The following CNTNAP4 variants were observed in gnomAD, a reference collection of about 807,000 sequenced individuals.
CNTNAP4 encodes contactin associated protein family member 4.
A neutral mutation model predicts 148.4 loss-of-function variants in CNTNAP4; 98 were observed. That is an observed-to-expected ratio of 0.66 (90% CI 0.56 to 0.78). The LOEUF is 0.78. Ranked by LOEUF, CNTNAP4 falls within the 30% of genes least tolerant of loss-of-function variation. The probability of loss-of-function intolerance (pLI) is 0.00; values close to 1 mark genes in which losing one functional copy is unlikely to be tolerated. For synonymous variants in CNTNAP4, 730 were observed against 565.1 expected (o/e 1.29, Z -4.14); for missense variants, 1,935 against 1,565.6 (o/e 1.24, Z -3.98).
rs979952119 is a variant in CNTNAP4, at chr16:76,445,412, A to G, written c.539-2600A>G. On this transcript the variant is annotated intron_variant, in intron 4 of 23. Transcript: ENST00000611870. ...TGTTGAATTTTTTTTAAATCCCAGA[A>G]TCTGGCACACTGATTCAAACGTGAT... Among the ~76,000 whole-genome samples the G allele has an allele frequency of 2.0e-5, 3 of 152,280 alleles. No individual in the cohort carries two copies. In the East Asian group the frequency reaches 5.8e-4, roughly 29 times the overall value.
At chr16:76,436,137 A>G (rs1164168527) in intron 4 of CNTNAP4, among the ~76,000 whole-genome samples, 2 of 152,048 alleles carry the variant, frequency 1.3e-5, no homozygotes, top group East Asian at 3.9e-4. Context: ...TCTCCTGGCA[A>G]CTGCCTCAGG....
intron 2 of CNTNAP4, among the ~76,000 whole-genome samples, chr16:76,339,814 A>G (rs998858043): frequency 2.0e-5 from 3 of 152,222 alleles, no homozygotes; most frequent in East Asian, 1.9e-4. Flanking sequence ...GTTCCATTCA[A>G]ATATGTCCAT....
At chr16:76,357,458 G>A (rs974035246) in intron 3 of CNTNAP4, among the ~76,000 whole-genome samples, 32 of 152,168 alleles carry the variant, frequency 2.1e-4, no homozygotes, top group Non-Finnish European at 4.1e-4. Flanking sequence ...TGGCATGAAT[G>A]ATATCCTTAC....
rs565463620 is a variant in CNTNAP4, at chr16:76,357,011, A to C, written c.390+1500A>C. On this transcript the variant is annotated intron_variant, in intron 3 of 23. Coordinates refer to ENST00000611870, the MANE Select transcript of CNTNAP4 (RefSeq NM_033401.5). ...GAAAAGCTGTTTAAAATCCAAAGCA[A>C]GTTGAAGCTGTAAGAGGAAAAAAAA... Among the ~76,000 whole-genome samples, 393 of 151,876 alleles carry C rather than the reference A, an allele frequency of 2.6e-3. 1 individual carries two copies. Among genetic ancestry groups the C allele is most frequent in the African/African-American group, 9.3e-3 (385 of 41,362 alleles).
intron 8 of CNTNAP4, among the ~76,000 whole-genome samples, chr16:76,460,944 A>G (rs148709404): frequency 0.016 from 2,411 of 151,306 alleles, 29 homozygotes; most frequent in Middle Eastern, 0.031. Context: ...GTCTGTCACA[A>G]CATTTTCTCA....
rs987575508 is a variant in CNTNAP4, at chr16:76,407,840, A to G, written c.391-19612A>G. Among the ~76,000 whole-genome samples the G allele has an allele frequency of 3.3e-5, 5 of 152,084 alleles. No individual in the cohort carries two copies. In the East Asian group the frequency reaches 9.6e-4, roughly 29 times the overall value. On this transcript the variant is annotated intron_variant, in intron 3 of 23. Coordinates refer to ENST00000611870, the MANE Select transcript of CNTNAP4 (RefSeq NM_033401.5). ...TTGACTTTAATTTTCAAGTTTGGCT[A>G]TGGGTGAAATATCAAATGGCATCAC...
chr16:76,511,195 T>C (rs1405035533), intron 15 of CNTNAP4, among the ~76,000 whole-genome samples: 1 of 152,194 alleles, frequency 6.6e-6, no homozygotes, highest in Admixed American at 6.5e-5. Context: ...CATGTATTTC[T>C]TTTCAGGTAA....
At chr16:76,302,731 C>T (rs1184703516) in intron 1 of CNTNAP4, among the ~76,000 whole-genome samples, 6 of 152,128 alleles carry the variant, frequency 3.9e-5, no homozygotes, top group Non-Finnish European at 8.8e-5. Flanking sequence ...ACAAATTCTG[C>T]CTGCACTCGA....
chr16:76,369,258 T>C (rs545490592), intron 3 of CNTNAP4, among the ~76,000 whole-genome samples: 2 of 152,338 alleles, frequency 1.3e-5, no homozygotes, highest in South Asian at 4.1e-4. Flanking sequence ...TTTTAAGTTA[T>C]TCATTTCATA....
chr16:76,427,725 G>T, intron 4 of CNTNAP4, 126 bp downstream of exon 4: 1 of 891,054 alleles, frequency 1.1e-6, no homozygotes. Flanking sequence ...TAATTTTTGT[G>T]GAAAGCTTTT....
At chr16:76,412,337 C>T (rs2144925459) in intron 3 of CNTNAP4, among the ~76,000 whole-genome samples, 1 of 151,394 alleles carries the variant, frequency 6.6e-6, no homozygotes, top group East Asian at 1.9e-4. Flanking sequence ...AGCTGGAAAA[C>T]TGCCTGATTT....
intron 15 of CNTNAP4, among the ~76,000 whole-genome samples, chr16:76,501,277 T>C (rs1301826967): frequency 6.6e-6 from 1 of 152,230 alleles, no homozygotes; most frequent in Non-Finnish European, 1.5e-5. Context: ...CGATTTTTCA[T>C]GGCTGTAGAG....
At chr16:76,312,238 A>G (rs1036736750) in intron 1 of CNTNAP4, among the ~76,000 whole-genome samples, 6 of 152,182 alleles carry the variant, frequency 3.9e-5, no homozygotes, top group Non-Finnish European at 8.8e-5. Context: ...AACCCAGTAG[A>G]TGCCAGAAGT....
intron 3 of CNTNAP4, among the ~76,000 whole-genome samples, chr16:76,426,214 A>C (rs1317693335): frequency 6.6e-6 from 1 of 152,202 alleles, no homozygotes; most frequent in Non-Finnish European, 1.5e-5. Context: ...TCTTTTAAAA[A>C]TGTACTAGAA....
chr16:76,328,781 G>A (rs1963246759), intron 2 of CNTNAP4, among the ~76,000 whole-genome samples: 2 of 152,192 alleles, frequency 1.3e-5, no homozygotes, highest in African/African-American at 4.8e-5. Flanking sequence ...GAGTAGCTGG[G>A]ACTACAGGCG....
At chr16:76,528,622 A>G (rs1224468909) in intron 17 of CNTNAP4, among the ~76,000 whole-genome samples, 1 of 152,192 alleles carries the variant, frequency 6.6e-6, no homozygotes. Flanking sequence ...AGACCACGTG[A>G]AAGAATCCAG....
chr16:76,477,919 C>T (rs1279575876), intron 11 of CNTNAP4, among the ~76,000 whole-genome samples: 1 of 151,934 alleles, frequency 6.6e-6, no homozygotes, highest in African/African-American at 2.4e-5. Flanking sequence ...CATCTGTGAC[C>T]CACAATTTGA....
chr16:76,292,397 G>A (rs1269393344), intron 1 of CNTNAP4, among the ~76,000 whole-genome samples: 2 of 152,086 alleles, frequency 1.3e-5, no homozygotes, highest in African/African-American at 4.8e-5. Flanking sequence ...AAGTGCATCT[G>A]TCACCCTCCA....
chr16:76,410,320 G>A (rs1390902970), intron 3 of CNTNAP4, among the ~76,000 whole-genome samples: 1 of 151,740 alleles, frequency 6.6e-6, no homozygotes, highest in Non-Finnish European at 1.5e-5. Flanking sequence ...GTGTTGAGTA[G>A]AAGAAATATT....
Sources: gnomAD v4.1 joint callset for allele counts (sites outside exome capture counted in the v4.1 genomes callset) on GRCh38, gnomAD v4.1.1 for gene constraint, MANE v1.5 for transcripts, NCBI Gene and HGNC (gene_info 2026-07-23, HGNC 2026-07-21) for gene names.